Variants in OR51B2 observed in about 807,000 individuals in gnomAD.
OR51B2 encodes the protein olfactory receptor family 51 subfamily B member 2.
For synonymous variants in OR51B2, 158 were observed against 135.3 expected (o/e 1.17, Z -1.16); for missense variants, 463 against 380.1 (o/e 1.22, Z -1.81).
chr11:5,323,619 CAATGCCTATGACAGTATTAAG>C lies in OR51B2; in HGVS notation c.658_678del (p.Leu220_Ile226del), dbSNP rs1564906349. 6.2e-7 allele frequency: 1 copy of C among 1,611,958 alleles called. No homozygotes were observed. Among genetic ancestry groups the C allele is most frequent in the Non-Finnish European group, 8.5e-7 (1 of 1,178,266 alleles). On this transcript the variant is annotated inframe_deletion, in exon 1 of 1. Transcript: ENST00000624187. Reference sequence around the variant, plus strand: ...GCTTTGGCTCTCTCTTCACCAGAAGCAATGCCTATGACAGTATTAAGAATTAGAATATAGGAGAAGAGGATG... The same window carrying C: ...GCTTTGGCTCTCTCTTCACCAGAAGCAATTAGAATATAGGAGAAGAGGATG...
chr11:5,324,135 C>A lies in OR51B2; in HGVS notation c.163G>T (p.Glu55Ter), dbSNP rs754438636. ...YLIKHDHSLH[E>*]PMYYFLTMLA... ...ATGGTGAGGAAGTAGTACATGGGCTCATGAAGACTGTGGTCATGCTTGATG... is the reference window on the plus strand; with the variant it reads ...ATGGTGAGGAAGTAGTACATGGGCTAATGAAGACTGTGGTCATGCTTGATG... Residue 55 changes from glutamate (E) to a stop codon, truncating the protein, a stop_gained, in exon 1 of 1, where the codon GAG (glutamate) becomes TAG (stop). Coordinates refer to ENST00000624187, the MANE Select transcript of OR51B2 (RefSeq NM_033180.5). LOFTEE classifies it low-confidence loss of function (END_TRUNC). 6.2e-7 allele frequency: 1 copy of A among 1,614,000 alleles called. No homozygotes were observed. The highest frequency in any genetic ancestry group is 8.5e-7 in the Non-Finnish European group (1 of 1,179,946).
chr11:5,323,708 G>C lies in OR51B2; in HGVS notation c.590C>G (p.Pro197Arg). 6.2e-7 allele frequency: 1 copy of C among 1,613,390 alleles called. No homozygotes were observed. Residue 197 changes from proline (P) to arginine (R), a missense_variant, in exon 1 of 1, where the codon CCT (proline) becomes CGT (arginine). By Grantham distance (103) the Pro-to-Arg change is moderately radical. Transcript: ENST00000624187. ...GATTGTTAAAGAGATCAAAATTACAGGGTAAAGTCTATTGAAAGTTATGTC... is the reference window on the plus strand; with the variant it reads ...GATTGTTAAAGAGATCAAAATTACACGGTAAAGTCTATTGAAAGTTATGTC... ...CADITFNRLY[P>R]VILISLTIFL...
chr11:5,324,017 C>G lies in OR51B2; in HGVS notation c.281G>C (p.Gly94Ala), dbSNP rs375843480. The G allele has an allele frequency of 6.8e-6, 11 of 1,613,820 alleles. No individual in the cohort carries two copies. Among genetic ancestry groups the G allele is most frequent in the Non-Finnish European group, 9.3e-6 (11 of 1,179,978 alleles). The change falls in exon 1 of 1, where the codon GGC becomes GCC. Residue 94 changes from glycine (G) to alanine (A), a missense_variant. Transcript: ENST00000624187. ...WVNHREISSV[G>A]CFLQAYFIHS... ...AATAAAGTAAGCCTGTAGGAAGCAG[C>G]CCACACTGCTAATCTCCCTGTGATT...
At position 5,323,747 on chromosome 11, in the gene OR51B2, C is replaced by T; in HGVS notation, c.551G>A (p.Arg184Lys). 9.3e-6 allele frequency: 15 copies of T among 1,613,620 alleles called. No homozygotes were observed. Among genetic ancestry groups the T allele is most frequent in the Non-Finnish European group, 1.3e-5 (15 of 1,179,894 alleles). Residue 184 changes from arginine to lysine, a missense_variant, in exon 1 of 1, where the codon AGA becomes AAA. Arg to Lys is a conservative substitution (Grantham distance 26). Transcript: ENST00000624187. ...GAAAGTTATGTCAGCACAAGCCAGT[C>T]TCATGATTTCTTGGTGGAGGCAGAA... ...RAFCLHQEIM[R>K]LACADITFNR...
chr11:5,324,254 A>T lies in OR51B2; in HGVS notation c.44T>A (p.Phe15Tyr). 6.2e-7 allele frequency: 1 copy of T among 1,613,804 alleles called. No individual in the cohort carries two copies. Among genetic ancestry groups the T allele is most frequent in the Non-Finnish European group, 8.5e-7 (1 of 1,179,822 alleles). The part of the protein sequence containing the change: ...ITAAPFLLTG[F>Y]PGLEAAHHWI... ...GTGATGAGCTGCCTCCAGCCCTGGA[A>T]AGCCAGTCAGCAAAAAAGGGGCTGC... Residue 15 changes from phenylalanine (F) to tyrosine (Y), a missense_variant, in exon 1 of 1, where the codon TTT (phenylalanine) becomes TAT (tyrosine). Coordinates refer to ENST00000624187, the MANE Select transcript of OR51B2 (RefSeq NM_033180.5).
In OR51B2 at chr11:5,323,437, AG is replaced by A. The variant is rs768540334; in HGVS notation, c.860del (p.Pro287LeufsTer?). 1.2e-6 allele frequency: 2 copies of A among 1,613,702 alleles called. No individual in the cohort carries two copies. Among genetic ancestry groups the A allele is most frequent in the Non-Finnish European group, 1.7e-6 (2 of 1,179,784 alleles). On this transcript the variant is annotated frameshift_variant, in exon 1 of 1. Coordinates refer to ENST00000624187, the MANE Select transcript of OR51B2 (RefSeq NM_033180.5). LOFTEE classifies it low-confidence loss of function (END_TRUNC). ...IYFLFPPLMN[P>X]VIYSIKTKQI... ...GCTTGGTTTTGATGCTGTAGATGAC[AG>A]GGTTCATTAAAGGAGGAAAGAGGAA...
chr11:5,323,721 T>G lies in OR51B2; in HGVS notation c.577A>C (p.Asn193His). ...ATCAAAATTACAGGGTAAAGTCTAT[T>G]GAAAGTTATGTCAGCACAAGCCAGT... ...MRLACADITF[N>H]RLYPVILISL... Residue 193 changes from asparagine (N) to histidine (H), a missense_variant, in exon 1 of 1, where the codon AAT becomes CAT. Asn to His is a moderately conservative substitution (Grantham distance 68). Coordinates refer to ENST00000624187, the MANE Select transcript of OR51B2 (RefSeq NM_033180.5). The G allele has an allele frequency of 5.6e-6, 9 of 1,613,118 alleles. No individual in the cohort carries two copies. The highest frequency in any genetic ancestry group is 1.3e-5 in the African/African-American group (1 of 74,764).
chr11:5,323,632 A>C lies in OR51B2; in HGVS notation c.666T>G (p.Thr222=). Residue 222 remains threonine (T), a synonymous_variant, in exon 1 of 1, where the codon ACT becomes ACG. Coordinates refer to ENST00000624187, the MANE Select transcript of OR51B2 (RefSeq NM_033180.5). The part of the protein sequence containing the change: ...ILFSYILILN[T]VIGIASGEER... ...CTTCACCAGAAGCAATGCCTATGAC[A>C]GTATTAAGAATTAGAATATAGGAGA... 1 of 1,612,520 alleles carries C rather than the reference A, an allele frequency of 6.2e-7. No homozygotes were observed. Among genetic ancestry groups the C allele is most frequent in the Non-Finnish European group, 8.5e-7 (1 of 1,178,634 alleles).
Position 5,323,720 on chromosome 11 carries a change from T to C in OR51B2, c.578A>G (p.Asn193Ser). The C allele has an allele frequency of 6.2e-7, 1 of 1,613,540 alleles. No individual in the cohort carries two copies. Among genetic ancestry groups the C allele is most frequent in the Non-Finnish European group, 8.5e-7 (1 of 1,179,878 alleles). ...MRLACADITF[N>S]RLYPVILISL... Reference sequence around the variant, plus strand: ...GATCAAAATTACAGGGTAAAGTCTATTGAAAGTTATGTCAGCACAAGCCAG... The same window carrying C: ...GATCAAAATTACAGGGTAAAGTCTACTGAAAGTTATGTCAGCACAAGCCAG... Residue 193 changes from asparagine to serine, a missense_variant, in exon 1 of 1, where the codon AAT becomes AGT. Asn to Ser is a conservative substitution (Grantham distance 46). Transcript: ENST00000624187.
Position 5,324,285 on chromosome 11 carries a change from T to C in OR51B2, c.13A>G (p.Ile5Val). Reference protein sequence around the residue: MWPNITAAPFLLTGF... With the variant: MWPNVTAAPFLLTGF... ...GTCAGCAAAAAAGGGGCTGCAGTAA[T>C]ATTGGGCCACATAGTGTATCCACCG... Residue 5 changes from isoleucine to valine, a missense_variant, in exon 1 of 1, where the codon ATT (isoleucine) becomes GTT (valine). By Grantham distance (29) the Ile-to-Val change is conservative (BLOSUM62 3). Transcript: ENST00000624187. 1 of 1,611,698 alleles carries C rather than the reference T, an allele frequency of 6.2e-7. No homozygotes were observed. Among genetic ancestry groups the C allele is most frequent in the African/African-American group, 1.3e-5 (1 of 75,010 alleles).
chr11:5,324,160 G>A lies in OR51B2; in HGVS notation c.138C>T (p.Leu46=). 6.2e-7 allele frequency: 1 copy of A among 1,614,012 alleles called. No individual in the cohort carries two copies. The change falls in exon 1 of 1, where the codon CTC becomes CTT. Residue 46 remains leucine, a synonymous_variant. Transcript: ENST00000624187. The part of the protein sequence containing the change: ...ILLGNGMLLY[L]IKHDHSLHEP... ...CATGAAGACTGTGGTCATGCTTGAT[G>A]AGGTAGAGGAGCATGCCATTGCCCA...
chr11:5,323,968 T>C lies in OR51B2; in HGVS notation c.330A>G (p.Ser110=). 6.2e-7 allele frequency: 1 copy of C among 1,614,008 alleles called. No individual in the cohort carries two copies. Among genetic ancestry groups the C allele is most frequent in the African/African-American group, 1.3e-5 (1 of 75,020 alleles). Residue 110 remains serine (S), a synonymous_variant, in exon 1 of 1, where the codon TCA becomes TCG. Coordinates refer to ENST00000624187, the MANE Select transcript of OR51B2 (RefSeq NM_033180.5). ...YFIHSLSVVE[S]GSLLAMAYDC... is the part of the protein sequence containing the mutation. ...CATATGCCATTGCCAGGAGGGAACC[T>C]GATTCCACAACAGAAAGGGAGTGAA...
Position 5,323,976 on chromosome 11 carries a change from C to T in OR51B2, c.322G>A (p.Val108Met). 1 of 1,613,956 alleles carries T rather than the reference C, an allele frequency of 6.2e-7. No homozygotes were observed. Among genetic ancestry groups the T allele is most frequent in the Non-Finnish European group, 8.5e-7 (1 of 1,179,974 alleles). The change falls in exon 1 of 1, where the codon GTG (valine) becomes ATG (methionine). Residue 108 changes from valine to methionine, a missense_variant. Coordinates refer to ENST00000624187, the MANE Select transcript of OR51B2 (RefSeq NM_033180.5). ...QAYFIHSLSVVESGSLLAMAY... is the reference protein window; with the variant it reads ...QAYFIHSLSVMESGSLLAMAY... ...ATTGCCAGGAGGGAACCTGATTCCA[C>T]AACAGAAAGGGAGTGAATAAAGTAA...
At position 5,324,269 on chromosome 11, in the gene OR51B2, A is replaced by G; in HGVS notation, c.29T>C (p.Phe10Ser). The change falls in exon 1 of 1, where the codon TTT (phenylalanine) becomes TCT (serine). Residue 10 changes from phenylalanine (F) to serine (S), a missense_variant. Physicochemically the swap from Phe to Ser is radical, Grantham distance 155. Coordinates refer to ENST00000624187, the MANE Select transcript of OR51B2 (RefSeq NM_033180.5). MWPNITAAP[F>S]LLTGFPGLEA... ...CAGCCCTGGAAAGCCAGTCAGCAAA[A>G]AAGGGGCTGCAGTAATATTGGGCCA... 6 of 1,613,510 alleles carry G rather than the reference A, an allele frequency of 3.7e-6. No individual in the cohort carries two copies. The highest frequency in any genetic ancestry group is 5.1e-6 in the Non-Finnish European group (6 of 1,179,728).
chr11:5,323,885 C>G lies in OR51B2; in HGVS notation c.413G>C (p.Arg138Thr). The G allele has an allele frequency of 1.2e-6, 2 of 1,613,834 alleles. No individual in the cohort carries two copies. Among genetic ancestry groups the G allele is most frequent in the Non-Finnish European group, 1.7e-6 (2 of 1,179,894 alleles). The change falls in exon 1 of 1, where the codon AGA (arginine) becomes ACA (threonine). Residue 138 changes from arginine to threonine, a missense_variant. Transcript: ENST00000624187. ...CACTCCCACTCCTAACGCTATGACT[C>G]TAGTATTGGTGAGAATGGAAGCATA... is the stretch of plus-strand genomic sequence containing the variant. Reference protein sequence around the residue: ...LRYASILTNTRVIALGVGVFL... With the variant: ...LRYASILTNTTVIALGVGVFL...
chr11:5,323,381 G>C lies in OR51B2; in HGVS notation c.917C>G (p.Ser306Cys). Reference protein sequence around the residue: ...QIQYGIIRLLSKHRFSS With the variant: ...QIQYGIIRLLCKHRFSS ...AGTTTAACTACTAAACCTATGTTTA[G>C]ATAAAAGGCGGATAATGCCATATTG... The change falls in exon 1 of 1, where the codon TCT (serine) becomes TGT (cysteine). Residue 306 changes from serine (S) to cysteine (C), a missense_variant. Ser to Cys is a moderately radical substitution (Grantham distance 112, BLOSUM62 -1). Coordinates refer to ENST00000624187, the MANE Select transcript of OR51B2 (RefSeq NM_033180.5). The C allele has an allele frequency of 6.2e-7, 1 of 1,611,048 alleles. No individual in the cohort carries two copies. The highest frequency in any genetic ancestry group is 8.5e-7 in the Non-Finnish European group (1 of 1,177,720).
chr11:5,323,491 A>C lies in OR51B2; in HGVS notation c.807T>G (p.Val269=), dbSNP rs745584628. 1.2e-6 allele frequency: 2 copies of C among 1,613,510 alleles called. No homozygotes were observed. Among genetic ancestry groups the C allele is most frequent in the Middle Eastern group, 1.7e-4 (1 of 6,060 alleles). The change falls in exon 1 of 1, where the codon GTT becomes GTG. Residue 269 remains valine, a synonymous_variant. Coordinates refer to ENST00000624187, the MANE Select transcript of OR51B2 (RefSeq NM_033180.5). ...IYRFGKNVPE[V]VHIIMSYIYF... ...AGATGTAACTCATGATAATGTGGAC[A>C]ACCTCTGGCACATTCTTCCCAAATC...
Position 5,323,453 on chromosome 11 carries a change from G to T in OR51B2, c.845C>A (p.Pro282His), listed in dbSNP as rs1473870242. Reference protein sequence around the residue: ...IIMSYIYFLFPPLMNPVIYSI... With the variant: ...IIMSYIYFLFHPLMNPVIYSI... ...GTAGATGACAGGGTTCATTAAAGGA[G>T]GAAAGAGGAAGTAGATGTAACTCAT... Residue 282 changes from proline (P) to histidine (H), a missense_variant, in exon 1 of 1, where the codon CCT becomes CAT. Transcript: ENST00000624187. 1.9e-6 allele frequency: 3 copies of T among 1,613,382 alleles called. No homozygotes were observed. Among genetic ancestry groups the T allele is most frequent in the Non-Finnish European group, 1.7e-6 (2 of 1,179,526 alleles).
rs1243734742 is a variant in OR51B2, at chr11:5,323,946, A to G, written c.352T>C (p.Tyr118His). 1 of 1,613,934 alleles carries G rather than the reference A, an allele frequency of 6.2e-7. No homozygotes were observed. Among genetic ancestry groups the G allele is most frequent in the Admixed American group, 1.7e-5 (1 of 59,976 alleles). Residue 118 changes from tyrosine (Y) to histidine (H), a missense_variant, in exon 1 of 1, where the codon TAT (tyrosine) becomes CAT (histidine). Tyr to His is a moderately conservative substitution (Grantham distance 83). Transcript: ENST00000624187. ...TTGCGGATGGCAATGAAACAATCAT[A>G]TGCCATTGCCAGGAGGGAACCTGAT... ...VESGSLLAMA[Y>H]DCFIAIRNPL...
Sources: gnomAD v4.1 joint callset for allele counts on GRCh38, gnomAD v4.1.1 for gene constraint, MANE v1.5 for transcripts, NCBI Gene and HGNC (gene_info 2026-07-23, HGNC 2026-07-21) for gene names.